ADAM32: variants seen among roughly 807,000 people sequenced by gnomAD.
ADAM32 encodes the protein ADAM metallopeptidase domain 32, also known as disintegrin and metalloproteinase domain-containing protein 32.
ADAM32 carries 89 observed loss-of-function variants against 114.9 expected under a neutral mutation model. The ratio of observed to expected loss-of-function variants is 0.77; its 90% CI spans 0.65 to 0.92. ADAM32 has a LOEUF of 0.92. ADAM32 is among the 40% of genes least tolerant of loss of function. The pLI, the probability that ADAM32 is intolerant of heterozygous loss-of-function variation, is 0.00. For missense variants in ADAM32, 870 were observed against 932.8 expected (o/e 0.93, Z 0.88); for synonymous variants, 285 against 307.5 (o/e 0.93, Z 0.77).
At chr8:39,238,286 A>C (rs1810323119) in intron 16 of ADAM32, among the ~76,000 whole-genome samples, 1 of 152,246 alleles carries the variant, frequency 6.6e-6, no homozygotes, top group Non-Finnish European at 1.5e-5. Context: ...ACCAACTGAA[A>C]GTCCAGTAGC....
chr8:39,159,761 C>T (rs1236031945), intron 6 of ADAM32, among the ~76,000 whole-genome samples: 2 of 152,168 alleles, frequency 1.3e-5, no homozygotes, highest in Non-Finnish European at 2.9e-5. Flanking sequence ...CTTTAGGGAG[C>T]CACTGGACAG....
At chr8:39,151,672 T>TAA in intron 6 of ADAM32, 124 bp downstream of exon 6, 1 of 658,992 alleles carries the variant, frequency 1.5e-6, no homozygotes, top group Non-Finnish European at 2.2e-6. Context: ...GTGAACATCT[T>TAA]ATCTTTTTTT....
chr8:39,187,020 A>G lies in ADAM32; in HGVS notation c.1027A>G (p.Thr343Ala), dbSNP rs1194212532. 6.2e-7 allele frequency: 1 copy of G among 1,610,940 alleles called. No homozygotes were observed. Among genetic ancestry groups the G allele is most frequent in the African/African-American group, 1.3e-5 (1 of 74,812 alleles). ...DPKKCQCSES[T>A]CIMNPEVVQS... ...AAAGAAATGTCAATGTTCAGAATCC[A>G]CCTGTATAATGAATCCAGAAGTTGT... is the stretch of plus-strand genomic sequence containing the variant. Residue 343 changes from threonine (T) to alanine (A), a missense_variant, in exon 11 of 25, where the codon ACC becomes GCC. Transcript: ENST00000379907.
At chr8:39,283,436 A>AC (rs1813562233) in intron 23 of ADAM32, 150 bp from the exon 24 acceptor site, 1 of 481,536 alleles carries the variant, frequency 2.1e-6, no homozygotes, top group East Asian at 3.9e-5. Context: ...AAAAAAAAAA[A>AC]TGGAAAAGAG....
At chr8:39,173,741 C>T (rs1334862643) in intron 10 of ADAM32, among the ~76,000 whole-genome samples, 3 of 152,108 alleles carry the variant, frequency 2.0e-5, no homozygotes, top group African/African-American at 7.2e-5. Context: ...TTTTCCCATG[C>T]CTCTGTCCTG....
intron 2 of ADAM32, chr8:39,130,200 C>T (rs1463551699): frequency 6.5e-6 from 1 of 154,420 alleles, no homozygotes; most frequent in Non-Finnish European, 1.4e-5. Context: ...AGTGATCTGC[C>T]TGCCTACATT....
At chr8:39,239,489 G>A (rs890166363) in intron 16 of ADAM32, among the ~76,000 whole-genome samples, 1 of 151,780 alleles carries the variant, frequency 6.6e-6, no homozygotes, top group African/African-American at 2.4e-5. Context: ...AATTTCACAG[G>A]GTCTCTAAAA....
At chr8:39,246,204 G>T in intron 17 of ADAM32, 38 bp downstream of exon 17, 2 of 1,585,556 alleles carry the variant, frequency 1.3e-6, no homozygotes, top group Non-Finnish European at 1.7e-6. Flanking sequence ...ACATTTCTTG[G>T]ACACTTTTTT....
At chr8:39,168,383 T>A (rs1055762204) in intron 9 of ADAM32, 1 of 152,168 alleles carries the variant, frequency 6.6e-6, no homozygotes, top group Non-Finnish European at 1.5e-5. Flanking sequence ...TTCCAGTAGA[T>A]ACCCTCAAGG....
chr8:39,188,065 AAAT>A (rs1402518122), intron 11 of ADAM32, among the ~76,000 whole-genome samples: 1 of 150,106 alleles, frequency 6.7e-6, no homozygotes, highest in African/African-American at 2.4e-5. Flanking sequence ...TCAAAAGTGA[AAAT>A]AAGACATTAA....
At chr8:39,141,762 G>T (rs1179091439) in intron 3 of ADAM32, among the ~76,000 whole-genome samples, 1 of 152,142 alleles carries the variant, frequency 6.6e-6, no homozygotes, top group Non-Finnish European at 1.5e-5. Flanking sequence ...CTTCTGTCTT[G>T]TTGATCTGTC....
intron 14 of ADAM32, among the ~76,000 whole-genome samples, chr8:39,226,415 C>G (rs1809372782): frequency 6.6e-6 from 1 of 151,808 alleles, no homozygotes; most frequent in Admixed American, 6.6e-5. Flanking sequence ...CAGGTTTAAT[C>G]CAAAGAAGAT....
chr8:39,283,771 C>CTTT (rs373085019), intron 24 of ADAM32, 147 bp downstream of exon 24: 337 of 241,322 alleles, frequency 1.4e-3, no homozygotes, highest in Middle Eastern at 2.8e-3. Context: ...TTCTTTTATT[C>CTTT]TTTTTTTTTT....
chr8:39,157,753 A>G lies in ADAM32; in HGVS notation c.526-3144A>G, dbSNP rs530011116. On this transcript the variant is annotated intron_variant, in intron 6 of 24. Transcript: ENST00000379907. ...CACCACACAGCACTTCAGCATGACA[A>G]AGTCATTGGTCACTTCACCATAGTG... 37 of 1,379,860 alleles carry G rather than the reference A, an allele frequency of 2.7e-5. No individual in the cohort carries two copies. The East Asian group carries it at 8.4e-4, about 32-fold the overall frequency. The allele number at this position is 1,379,860 out of a possible 1,614,324, so 85.5% of individuals were successfully genotyped here. A position where few individuals can be genotyped will look rare whatever the true frequency, so the allele number is the denominator to read the frequency against.
At chr8:39,234,993 C>T (rs1247343373) in intron 16 of ADAM32, among the ~76,000 whole-genome samples, 1 of 152,104 alleles carries the variant, frequency 6.6e-6, no homozygotes, top group Non-Finnish European at 1.5e-5. Flanking sequence ...TTCTTTCTCT[C>T]CTTCCCCCCG....
chr8:39,277,938 G>A (rs1490093514), intron 22 of ADAM32, among the ~76,000 whole-genome samples: 1 of 152,244 alleles, frequency 6.6e-6, no homozygotes, highest in South Asian at 2.1e-4. Context: ...AGGGCGAAGG[G>A]ACAGTGTGAC....
chr8:39,246,035 CTG>C, intron 16 of ADAM32, 46 bp from the exon 17 acceptor site: 1 of 1,369,886 alleles, frequency 7.3e-7, no homozygotes, highest in Non-Finnish European at 1.0e-6. Flanking sequence ...GTTATGATGA[CTG>C]TACCCCTCTG....
chr8:39,257,415 C>T (rs1166157061), intron 19 of ADAM32, 72 bp downstream of exon 19: 23 of 1,512,772 alleles, frequency 1.5e-5, no homozygotes, highest in South Asian at 7.8e-5. Flanking sequence ...GACAATATCA[C>T]GAGCAGTAGC....
intron 11 of ADAM32, among the ~76,000 whole-genome samples, chr8:39,204,305 A>C (rs945971904): frequency 6.6e-6 from 1 of 152,188 alleles, no homozygotes; most frequent in African/African-American, 2.4e-5. Context: ...ACATAGTCCC[A>C]TATTTCTTGG....
Sources: allele counts gnomAD v4.1 joint callset (sites outside exome capture counted in the v4.1 genomes callset), GRCh38; gene constraint gnomAD v4.1.1; transcripts MANE v1.5; gene names NCBI Gene and HGNC (gene_info 2026-07-23, HGNC 2026-07-21).